The following EXOSC5 variants were observed in gnomAD, a reference collection of about 807,000 sequenced individuals.
EXOSC5 encodes the protein exosome complex component RRP46.
EXOSC5 carries 15 observed loss-of-function variants against 23.7 expected under a neutral mutation model. The observed-to-expected ratio is 0.63, with a 90% CI of 0.42 to 0.97. The LOEUF (loss-of-function observed/expected upper bound fraction) is 0.97, where lower values mean the gene tolerates loss of function less well. Ranked by LOEUF, EXOSC5 falls within the 50% of genes least tolerant of loss-of-function variation. EXOSC5 has a pLI of 0.00. For synonymous variants in EXOSC5, 143 were observed against 140.9 expected (o/e 1.02, Z -0.11); for missense variants, 305 against 316.3 (o/e 0.96, Z 0.27).
At chr19:41,396,838 G>A (rs1469786251) in intron 1 of EXOSC5, among the ~76,000 whole-genome samples, 1 of 144,062 alleles carries the variant, frequency 6.9e-6, no homozygotes, top group Non-Finnish European at 1.5e-5. Flanking sequence ...GAGGGTGTGT[G>A]TGTGGGGGGT....
At chr19:41,387,937 G>A (rs757206093) in intron 4 of EXOSC5, among the ~76,000 whole-genome samples, 1 of 152,078 alleles carries the variant, frequency 6.6e-6, no homozygotes, top group Non-Finnish European at 1.5e-5. Flanking sequence ...CAGCATGGGC[G>A]ACAGTGAGAC....
At chr19:41,387,026 G>A (rs1487498040) in intron 5 of EXOSC5, among the ~76,000 whole-genome samples, 3 of 152,206 alleles carry the variant, frequency 2.0e-5, no homozygotes, top group Admixed American at 6.5e-5. Context: ...TATGGAACTG[G>A]AGAGTGCACA....
At chr19:41,392,259 T>C in intron 2 of EXOSC5, 1 of 418,682 alleles carries the variant, frequency 2.4e-6, no homozygotes, top group South Asian at 3.1e-5. Flanking sequence ...CAGTGGGGAC[T>C]GAGGGATATG....
rs2038992603 is a variant in EXOSC5 at position 41,387,495 on chromosome 19, C to T, written c.615+19G>A. ...GGGAAGGAAGGTTCTGGCTTTTCCC[C>T]TCATCCCCATGCTGGTACCTCAGTG... On this transcript the variant is annotated intron_variant, in intron 5 of 5. Transcript: ENST00000221233. 1 of 1,571,578 alleles carries T rather than the reference C, an allele frequency of 6.4e-7. No homozygotes were observed. Among genetic ancestry groups the T allele is most frequent in the Non-Finnish European group, 8.6e-7 (1 of 1,159,172 alleles).
At chr19:41,396,745 A>T (rs2039069051) in intron 1 of EXOSC5, among the ~76,000 whole-genome samples, 1 of 143,050 alleles carries the variant, frequency 7.0e-6, no homozygotes, top group South Asian at 2.3e-4. Context: ...CAATTTGAGG[A>T]GTATTTACGT....
intron 1 of EXOSC5, among the ~76,000 whole-genome samples, chr19:41,395,475 G>C (rs1043262710): frequency 1.3e-5 from 2 of 152,158 alleles, no homozygotes; most frequent in African/African-American, 4.8e-5. Context: ...TCTTACAGCA[G>C]AACTCCTGAA....
intron 3 of EXOSC5, 30 bp from the exon 4 acceptor site, chr19:41,389,935 T>TC (rs1491033731): frequency 8.6e-6 from 2 of 233,622 alleles, no homozygotes; most frequent in East Asian, 1.3e-4. Context: ...GTTAAGTTTC[T>TC]TTTTTTTTTT....
intron 3 of EXOSC5, among the ~76,000 whole-genome samples, chr19:41,391,319 C>T (rs1212800760): frequency 1.3e-5 from 2 of 152,172 alleles, no homozygotes; most frequent in East Asian, 3.9e-4. Flanking sequence ...AGTAAGCTGA[C>T]ATTGCACCAC....
At chr19:41,391,100 C>T (rs780593394) in intron 3 of EXOSC5, among the ~76,000 whole-genome samples, 5 of 152,166 alleles carry the variant, frequency 3.3e-5, no homozygotes, top group Admixed American at 6.5e-5. Flanking sequence ...CACAGTAGCT[C>T]ATGCCTGTAA....
rs568304534 is a variant in EXOSC5, at chr19:41,392,903, G to T, written c.226C>A (p.Leu76Ile). The T allele has an allele frequency of 2.5e-6, 4 of 1,613,956 alleles. No homozygotes were observed. In the South Asian group the frequency reaches 4.4e-5, roughly 18 times the overall value. The change falls in exon 2 of 6, where the codon CTC becomes ATC. Residue 76 changes from leucine (L) to isoleucine (I), a missense_variant. Coordinates refer to ENST00000221233, the MANE Select transcript of EXOSC5 (RefSeq NM_020158.4). ...VSKEIFNKAT[L>I]EVILRPKIGL... ...ATCTTCGGCCTCAGGATCACTTCGA[G>T]TGTGGCCTTGTTGAAAATCTCTTTG...
intron 4 of EXOSC5, 91 bp from the exon 5 acceptor site, chr19:41,387,694 A>T: frequency 2.2e-6 from 2 of 893,304 alleles, no homozygotes; most frequent in Non-Finnish European, 3.2e-6. Context: ...ACAGTGGCTC[A>T]TGACCATAAT....
chr19:41,387,012 G>T (rs1166350515), intron 5 of EXOSC5, among the ~76,000 whole-genome samples: 1 of 152,228 alleles, frequency 6.6e-6, no homozygotes, highest in East Asian at 1.9e-4. Context: ...CAGCTGTGCA[G>T]AGCTATGGAA....
At position 41,387,598 on chromosome 19, in the gene EXOSC5, G is replaced by A; in HGVS notation, c.531C>T (p.Ala177=). 1 of 1,594,830 alleles carries A rather than the reference G, an allele frequency of 6.3e-7. No homozygotes were observed. Among genetic ancestry groups the A allele is most frequent in the Non-Finnish European group, 8.5e-7 (1 of 1,171,998 alleles). ...LDPTSKQEKE[A]RAVLTFALDS... is the part of the protein sequence containing the mutation. ...CCAGGGCAAAGGTCAGGACTGCCCG[G>A]GCCTCCTAGGGACAAGGGGTAGAAG... Residue 177 remains alanine, a synonymous_variant, in exon 5 of 6, where the codon GCC becomes GCT. Coordinates refer to ENST00000221233, the MANE Select transcript of EXOSC5 (RefSeq NM_020158.4).
In EXOSC5 at chr19:41,386,584, G is replaced by C. The variant is rs549559334; in HGVS notation, c.*49C>G. On this transcript the variant is annotated 3_prime_UTR_variant, in exon 6 of 6. Transcript: ENST00000221233. ...GCTGCTGGTTTGCTTCAGGCTGTAG[G>C]GGGTGAGTGGGTGGAGGCAATGGGA... The C allele has an allele frequency of 1.3e-6, 2 of 1,533,524 alleles. No individual in the cohort carries two copies. The highest frequency in any genetic ancestry group is 1.8e-6 in the Non-Finnish European group (2 of 1,132,566). 95.0% of individuals were successfully genotyped at this position (1,533,524 alleles called of 1,614,324 possible). A position where few individuals can be genotyped will look rare whatever the true frequency, so the allele number is the denominator to read the frequency against.
At position 41,389,746 on chromosome 19, in the gene EXOSC5, C is replaced by T. The variant is rs550090736; in HGVS notation, c.525+19G>A. On this transcript the variant is annotated intron_variant, in intron 4 of 5. Transcript: ENST00000221233. ...CTGTCTGGCCTCTGCCCTTCAGCCA[C>T]CCTGGTCTTCACACCTACCTTTTCT... The T allele has an allele frequency of 1.9e-6, 3 of 1,609,802 alleles. No individual in the cohort carries two copies. In the African/African-American group the frequency reaches 4.0e-5, roughly 22 times the overall value.
At chr19:41,386,822 T>TTAACCTCCCATCACTCCCC in intron 5 of EXOSC5, 97 bp from the exon 6 acceptor site, 1 of 1,051,356 alleles carries the variant, frequency 9.5e-7, no homozygotes, top group Non-Finnish European at 1.4e-6. Flanking sequence ...CCTGACTCCC[T>TTAACCTCCCATCACTCCCC]TAACCTCCCA....
rs549559334 is a variant in EXOSC5, at chr19:41,386,584, G to A, written c.*49C>T. 6.5e-7 allele frequency: 1 copy of A among 1,533,524 alleles called. No individual in the cohort carries two copies. The highest frequency in any genetic ancestry group is 2.4e-5 in the East Asian group (1 of 41,042). The allele number at this position is 1,533,524 out of a possible 1,614,324, so 95.0% of individuals were successfully genotyped here. A position where few individuals can be genotyped will look rare whatever the true frequency, so the allele number is the denominator to read the frequency against. ...GCTGCTGGTTTGCTTCAGGCTGTAGGGGGTGAGTGGGTGGAGGCAATGGGA... is the reference window on the plus strand; with the variant it reads ...GCTGCTGGTTTGCTTCAGGCTGTAGAGGGTGAGTGGGTGGAGGCAATGGGA... On this transcript the variant is annotated 3_prime_UTR_variant, in exon 6 of 6. Coordinates refer to ENST00000221233, the MANE Select transcript of EXOSC5 (RefSeq NM_020158.4).
At chr19:41,386,774 A>G (rs1208461942) in intron 5 of EXOSC5, 49 bp from the exon 6 acceptor site, 3 of 1,515,502 alleles carry the variant, frequency 2.0e-6, no homozygotes, top group Non-Finnish European at 2.7e-6. Context: ...CTTCATGCAC[A>G]CACGACTTGG....
chr19:41,386,905 C>G (rs1010497698), intron 5 of EXOSC5, among the ~76,000 whole-genome samples, 180 bp from the exon 6 acceptor site: 6 of 152,130 alleles, frequency 3.9e-5, no homozygotes, highest in Non-Finnish European at 7.4e-5. Context: ...TCTTAGAGAT[C>G]AGGAGAAATA....
Sources: allele counts gnomAD v4.1 joint callset (sites outside exome capture counted in the v4.1 genomes callset), GRCh38; gene constraint gnomAD v4.1.1; transcripts MANE v1.5; gene names NCBI Gene and HGNC (gene_info 2026-07-23, HGNC 2026-07-21).